RETREG1: variants seen among roughly 807,000 people sequenced by gnomAD.
The protein encoded by RETREG1 is reticulophagy regulator 1, also known as family with sequence similarity 134 member B.
Under a neutral mutation model 54.8 loss-of-function variants are expected in RETREG1, and 44 were observed. The observed-to-expected ratio is 0.80, with a 90% CI of 0.63 to 1.03. The LOEUF (loss-of-function observed/expected upper bound fraction) is 1.03. RETREG1 is among the 50% of genes least tolerant of loss of function. The pLI, the probability that RETREG1 is intolerant of heterozygous loss-of-function variation, is 0.00. For missense variants in RETREG1, 554 were observed against 605.1 expected (o/e 0.92, Z 0.89); for synonymous variants, 217 against 238.5 (o/e 0.91, Z 0.83).
chr5:16,553,283 A>T (rs1475913956), intron 3 of RETREG1, among the ~76,000 whole-genome samples: 1 of 151,818 alleles, frequency 6.6e-6, no homozygotes, highest in Non-Finnish European at 1.5e-5. Context: ...TGAATGAACT[A>T]CAGCTATACA....
intron 3 of RETREG1, among the ~76,000 whole-genome samples, chr5:16,553,136 T>A (rs1273349807): frequency 6.6e-6 from 1 of 152,224 alleles, no homozygotes; most frequent in African/African-American, 2.4e-5. Context: ...AAATGACCAT[T>A]TGTACTGCCA....
chr5:16,511,429 G>A (rs1740170882), intron 3 of RETREG1, among the ~76,000 whole-genome samples: 1 of 152,150 alleles, frequency 6.6e-6, no homozygotes, highest in Non-Finnish European at 1.5e-5. Context: ...ATGTTCAGTA[G>A]GCTAGATGGA....
At chr5:16,475,956 A>G (rs1579576710) in intron 8 of RETREG1, among the ~76,000 whole-genome samples, 1 of 152,202 alleles carries the variant, frequency 6.6e-6, no homozygotes, top group African/African-American at 2.4e-5. Flanking sequence ...GAAATCTTCA[A>G]TTAATGAAAA....
Position 16,525,255 on chromosome 5 carries a change from C to T in RETREG1, c.458+40508G>A, listed in dbSNP as rs10073481. On this transcript the variant is annotated intron_variant, in intron 3 of 8. Transcript: ENST00000306320. ...GGGACACTGTGCTGACCTGCATCCT[C>T]TGGCCCCAACAGGTGGATGTGCGCG... 5.2e-3 allele frequency among the ~76,000 whole-genome samples: 774 copies of T among 147,608 alleles called. 7 individuals carry two copies. The highest frequency in any genetic ancestry group is 0.018 in the African/African-American group (723 of 39,728).
chr5:16,481,560 C>A (rs1211234078), intron 4 of RETREG1, among the ~76,000 whole-genome samples: 1 of 152,046 alleles, frequency 6.6e-6, no homozygotes, highest in Non-Finnish European at 1.5e-5. Flanking sequence ...GAGGTATCTA[C>A]ACAAATCTAA....
At chr5:16,581,139 A>T (rs1457495882) in intron 1 of RETREG1, among the ~76,000 whole-genome samples, 1 of 151,996 alleles carries the variant, frequency 6.6e-6, no homozygotes, top group Non-Finnish European at 1.5e-5. Flanking sequence ...ACACAGGGTG[A>T]GATTGGAAGG....
chr5:16,583,613 T>C (rs143966594), intron 1 of RETREG1, among the ~76,000 whole-genome samples: 99 of 152,302 alleles, frequency 6.5e-4, no homozygotes, highest in African/African-American at 2.4e-3. Flanking sequence ...CCAAATTAAA[T>C]GGCTTAATAG....
At chr5:16,510,815 CAACA>C (rs1361721508) in intron 3 of RETREG1, among the ~76,000 whole-genome samples, 20 of 56,410 alleles carry the variant, frequency 3.5e-4, no homozygotes, top group African/African-American at 8.8e-4. Context: ...ACAACAACAA[CAACA>C]AAAAAAAAAA....
At chr5:16,507,183 T>C (rs1321014090) in intron 3 of RETREG1, among the ~76,000 whole-genome samples, 2 of 152,164 alleles carry the variant, frequency 1.3e-5, no homozygotes, top group Admixed American at 1.3e-4. Context: ...GCCAAATCTC[T>C]CCCTTCTTTC....
intron 3 of RETREG1, among the ~76,000 whole-genome samples, chr5:16,526,566 G>T (rs1160124429): frequency 1.3e-5 from 2 of 152,158 alleles, no homozygotes; most frequent in African/African-American, 4.8e-5. Context: ...AACTTAATAA[G>T]GTAGTAGCAT....
chr5:16,543,550 C>T (rs1332742487), intron 3 of RETREG1, among the ~76,000 whole-genome samples: 2 of 152,008 alleles, frequency 1.3e-5, no homozygotes, highest in African/African-American at 2.4e-5. Context: ...GTGGTGCACG[C>T]CTGTAATCCC....
At chr5:16,562,917 TAATA>T (rs751407048) in intron 3 of RETREG1, among the ~76,000 whole-genome samples, 2 of 151,716 alleles carry the variant, frequency 1.3e-5, no homozygotes, top group Admixed American at 6.6e-5. Flanking sequence ...GGACTTTAGT[TAATA>T]AGAATAAATT....
chr5:16,514,635 G>A (rs747468043), intron 3 of RETREG1, among the ~76,000 whole-genome samples: 28 of 151,902 alleles, frequency 1.8e-4, no homozygotes, highest in Non-Finnish European at 3.4e-4. Context: ...CCCATCACCT[G>A]AGCAGTTTAT....
chr5:16,595,720 A>G (rs1459914233), intron 1 of RETREG1, among the ~76,000 whole-genome samples: 3 of 152,204 alleles, frequency 2.0e-5, no homozygotes, highest in African/African-American at 7.2e-5. Context: ...CTGCCTCCTT[A>G]TATCAAAGTG....
In RETREG1 at chr5:16,571,887, A is replaced by G. The variant is rs1742178913; in HGVS notation, c.427+109T>C. ...ATTGAAAACAGCTAAGTCAATGCCT[A>G]TATTTGCTTCTGTTCAAAGGACTAA... On this transcript the variant is annotated intron_variant, in intron 2 of 8. Coordinates refer to ENST00000306320, the MANE Select transcript of RETREG1 (RefSeq NM_001034850.3). The G allele has an allele frequency of 1.4e-5, 11 of 767,806 alleles. No individual in the cohort carries two copies. The East Asian group carries it at 2.7e-4, about 19-fold the overall frequency. 47.6% of individuals were successfully genotyped at this position (767,806 alleles called of 1,614,324 possible).
chr5:16,484,100 T>C (rs1277331037), intron 3 of RETREG1, among the ~76,000 whole-genome samples: 2 of 152,152 alleles, frequency 1.3e-5, no homozygotes, highest in Admixed American at 1.3e-4. Context: ...TAAAAAGATC[T>C]TACAATATCC....
At chr5:16,592,312 A>C (rs1561132702) in intron 1 of RETREG1, among the ~76,000 whole-genome samples, 1 of 152,348 alleles carries the variant, frequency 6.6e-6, no homozygotes, top group East Asian at 1.9e-4. Context: ...GCTCAGTATT[A>C]CTGATCATGA....
chr5:16,492,468 TAAAA>T (rs74869826), intron 3 of RETREG1, among the ~76,000 whole-genome samples: 3 of 133,922 alleles, frequency 2.2e-5, no homozygotes, highest in African/African-American at 5.5e-5. Flanking sequence ...TTGACAAACT[TAAAA>T]AAAAAAAAAA....
At chr5:16,564,103 T>C (rs1741943659) in intron 3 of RETREG1, among the ~76,000 whole-genome samples, 1 of 152,240 alleles carries the variant, frequency 6.6e-6, no homozygotes, top group South Asian at 2.1e-4. Flanking sequence ...GTCAGAAATG[T>C]ATTTTCTGCT....
Sources: allele counts gnomAD v4.1 joint callset (sites outside exome capture counted in the v4.1 genomes callset), GRCh38; gene constraint gnomAD v4.1.1; transcripts MANE v1.5; gene names NCBI Gene and HGNC (gene_info 2026-07-23, HGNC 2026-07-21).